The following HS6ST3 variants were observed in gnomAD, a reference collection of about 807,000 sequenced individuals.
HS6ST3 encodes the protein heparan sulfate 6-O-sulfotransferase 3, also known as heparan-sulfate 6-O-sulfotransferase 3.
A neutral mutation model predicts 36.7 loss-of-function variants in HS6ST3; 12 were observed. That is an observed-to-expected ratio of 0.33 (90% confidence interval 0.21 to 0.53). The LOEUF is 0.53. Among genes scored for constraint, HS6ST3 ranks in the 20% least tolerant of loss-of-function variants. The pLI, the probability that HS6ST3 is intolerant of heterozygous loss-of-function variation, is 0.95. For synonymous variants in HS6ST3, 240 were observed against 257.5 expected (o/e 0.93, Z 0.65); for missense variants, 584 against 640.9 (o/e 0.91, Z 0.96).
intron 1 of HS6ST3, among the ~76,000 whole-genome samples, chr13:96,523,167 T>A (rs1431920015): frequency 2.0e-5 from 3 of 152,224 alleles, no homozygotes; most frequent in Non-Finnish European, 4.4e-5. Flanking sequence ...AATTCTTTTC[T>A]TTAAGAATGT....
intron 1 of HS6ST3, among the ~76,000 whole-genome samples, chr13:96,277,892 G>A (rs1208236833): frequency 6.6e-6 from 1 of 152,162 alleles, no homozygotes; most frequent in Non-Finnish European, 1.5e-5. Context: ...TGTCAGCTAT[G>A]GGAAAAATAT....
chr13:96,229,702 A>G (rs1034888946), intron 1 of HS6ST3, among the ~76,000 whole-genome samples: 5 of 152,218 alleles, frequency 3.3e-5, no homozygotes, highest in Non-Finnish European at 7.3e-5. Context: ...TTCAGTCCAT[A>G]ACAAATGGGT....
chr13:96,805,626 T>C (rs1878180884), intron 1 of HS6ST3, among the ~76,000 whole-genome samples: 1 of 152,178 alleles, frequency 6.6e-6, no homozygotes, highest in South Asian at 2.1e-4. Context: ...TGATATCCCA[T>C]CTTAAACCCT....
chr13:96,114,899 C>T (rs1463872580), intron 1 of HS6ST3, among the ~76,000 whole-genome samples: 2 of 152,188 alleles, frequency 1.3e-5, no homozygotes, highest in African/African-American at 4.8e-5. Flanking sequence ...AAGGACTCTA[C>T]CTGTTTGTAT....
At chr13:96,201,659 G>A (rs2054342555) in intron 1 of HS6ST3, among the ~76,000 whole-genome samples, 1 of 152,166 alleles carries the variant, frequency 6.6e-6, no homozygotes, top group Non-Finnish European at 1.5e-5. Context: ...ATGAGCTGAA[G>A]ATTCTCTGTA....
chr13:96,192,567 CT>C (rs751501106), intron 1 of HS6ST3, among the ~76,000 whole-genome samples: 3 of 149,482 alleles, frequency 2.0e-5, no homozygotes, highest in East Asian at 2.0e-4. Context: ...GTTTTTCACT[CT>C]TTTTTTTATG....
intron 1 of HS6ST3, among the ~76,000 whole-genome samples, chr13:96,096,737 A>G (rs1001112469): frequency 2.6e-5 from 4 of 152,168 alleles, no homozygotes; most frequent in African/African-American, 9.7e-5. Flanking sequence ...AACCAGAACC[A>G]CTTTGAAACA....
intron 1 of HS6ST3, among the ~76,000 whole-genome samples, chr13:96,697,534 A>G (rs138676904): frequency 6.6e-6 from 1 of 152,312 alleles, no homozygotes; most frequent in East Asian, 1.9e-4. Flanking sequence ...CTATAAACAC[A>G]TATAATGAAT....
chr13:96,193,159 A>G (rs760515300), intron 1 of HS6ST3, among the ~76,000 whole-genome samples: 8 of 152,194 alleles, frequency 5.3e-5, no homozygotes, highest in Non-Finnish European at 8.8e-5. Context: ...TGAAGCTCAG[A>G]GATCTCTTTG....
intron 1 of HS6ST3, among the ~76,000 whole-genome samples, chr13:96,727,851 A>G (rs1359615022): frequency 6.6e-6 from 1 of 152,150 alleles, no homozygotes; most frequent in Non-Finnish European, 1.5e-5. Flanking sequence ...GAACACCTGC[A>G]TCATCTGCAT....
At chr13:96,730,225 C>T (rs1483797469) in intron 1 of HS6ST3, among the ~76,000 whole-genome samples, 1 of 152,132 alleles carries the variant, frequency 6.6e-6, no homozygotes, top group African/African-American at 2.4e-5. Context: ...GACATTTATT[C>T]CCATGGCTCC....
intron 1 of HS6ST3, among the ~76,000 whole-genome samples, chr13:96,586,464 T>A (rs968245191): frequency 2.0e-5 from 3 of 151,994 alleles, no homozygotes; most frequent in African/African-American, 7.2e-5. Flanking sequence ...CCTGGCTAAT[T>A]TTTGTATTTT....
intron 1 of HS6ST3, among the ~76,000 whole-genome samples, chr13:96,276,501 GTTTC>G (rs1349136558): frequency 1.3e-5 from 2 of 152,134 alleles, no homozygotes; most frequent in Non-Finnish European, 2.9e-5. Flanking sequence ...CTGAAACTCA[GTTTC>G]TTTATTTTGG....
At chr13:96,810,572 A>C (rs1878296748) in intron 1 of HS6ST3, among the ~76,000 whole-genome samples, 1 of 152,220 alleles carries the variant, frequency 6.6e-6, no homozygotes, top group African/African-American at 2.4e-5. Flanking sequence ...ATCACCATTT[A>C]GACGTAAAGG....
chr13:96,534,917 G>A (rs1478169361), intron 1 of HS6ST3, among the ~76,000 whole-genome samples: 1 of 152,084 alleles, frequency 6.6e-6, no homozygotes, highest in African/African-American at 2.4e-5. Context: ...CAGAGATCAC[G>A]CCACTGCACT....
intron 1 of HS6ST3, among the ~76,000 whole-genome samples, chr13:96,464,525 A>G (rs559829969): frequency 6.6e-6 from 1 of 152,290 alleles, no homozygotes; most frequent in Non-Finnish European, 1.5e-5. Flanking sequence ...AACTCTACAA[A>G]AATGTTCATA....
intron 1 of HS6ST3, among the ~76,000 whole-genome samples, chr13:96,564,752 TAC>T (rs962876213): frequency 7.9e-5 from 12 of 152,040 alleles, no homozygotes; most frequent in Non-Finnish European, 1.8e-4. Context: ...CCTAAATAAA[TAC>T]ACAATTGACC....
intron 1 of HS6ST3, among the ~76,000 whole-genome samples, chr13:96,227,576 T>C (rs765803644): frequency 2.4e-4 from 37 of 152,352 alleles, no homozygotes; most frequent in Non-Finnish European, 3.8e-4. Context: ...TTTAGCTCTT[T>C]CAGGTTATTT....
At chr13:96,236,772 C>T (rs763241751) in intron 1 of HS6ST3, among the ~76,000 whole-genome samples, 9 of 152,210 alleles carry the variant, frequency 5.9e-5, no homozygotes, top group African/African-American at 1.9e-4. Context: ...CCAATAGGCT[C>T]AATTTCCCAC....
Sources: allele counts gnomAD v4.1 joint callset (sites outside exome capture counted in the v4.1 genomes callset), GRCh38; gene constraint gnomAD v4.1.1; transcripts MANE v1.5; gene names NCBI Gene and HGNC (gene_info 2026-07-23, HGNC 2026-07-21).